Variants in TRAF1 observed in about 807,000 individuals in gnomAD.
The protein encoded by TRAF1 is TNF receptor associated factor 1.
A neutral mutation model predicts 40.9 loss-of-function variants in TRAF1; 23 were observed. The ratio of observed to expected loss-of-function variants is 0.56; its 90% CI spans 0.40 to 0.80. TRAF1 has a LOEUF of 0.80. Among genes scored for constraint, TRAF1 ranks in the 30% least tolerant of loss-of-function variants. TRAF1 has a pLI of 0.00. For missense variants in TRAF1, 477 were observed against 528.7 expected, an observed-to-expected ratio of 0.90 and a Z score of 0.96; for synonymous variants, 206 against 218.8, an observed-to-expected ratio of 0.94 and a Z score of 0.52.
At chr9:120,917,726 C>T (rs1204491661) in intron 3 of TRAF1, among the ~76,000 whole-genome samples, 6 of 152,100 alleles carry the variant, frequency 3.9e-5, no homozygotes, top group Non-Finnish European at 8.8e-5. Flanking sequence ...TCAAAGCCAG[C>T]AGTGGAGCAT....
intron 3 of TRAF1, among the ~76,000 whole-genome samples, chr9:120,922,320 CA>C (rs2046610834): frequency 6.6e-6 from 1 of 152,180 alleles, no homozygotes; most frequent in Non-Finnish European, 1.5e-5. Context: ...AAGGCTTTGC[CA>C]AAAACTATCA....
At chr9:120,925,840 G>T (rs1401395786) in intron 2 of TRAF1, 96 bp downstream of exon 2, 1 of 1,553,710 alleles carries the variant, frequency 6.4e-7, no homozygotes, top group African/African-American at 1.4e-5. Context: ...AAAAGTCACC[G>T]CCTGAAGTCA....
chr9:120,909,469 G>A (rs553024344), intron 6 of TRAF1, 91 bp from the exon 7 acceptor site: 41 of 1,476,204 alleles, frequency 2.8e-5, no homozygotes, highest in South Asian at 7.4e-5. Context: ...CAAGGTCAGC[G>A]GCTCAAAACC....
chr9:120,911,194 C>T (rs2131622493), intron 6 of TRAF1, 142 bp downstream of exon 6: 2 of 953,422 alleles, frequency 2.1e-6, no homozygotes, highest in African/African-American at 1.7e-5. Context: ...GGTTCCTGCC[C>T]ATGGTGAGTG....
chr9:120,913,729 G>C lies in TRAF1; in HGVS notation c.304C>G (p.Gln102Glu). 1 of 1,567,894 alleles carries C rather than the reference G, an allele frequency of 6.4e-7. No homozygotes were observed. The highest frequency in any genetic ancestry group is 8.7e-7 in the Non-Finnish European group (1 of 1,153,938). ...GVGCSFKGSP[Q>E]SVQEHEVTSQ... ...GTGACCTCATGCTCTTGCACAGACTGTGGGCTTCCCTGACAAGAGAGTGGG... is the reference window on the plus strand; with the variant it reads ...GTGACCTCATGCTCTTGCACAGACTCTGGGCTTCCCTGACAAGAGAGTGGG... Residue 102 changes from glutamine (Q) to glutamate (E), a missense_variant, in exon 5 of 8, where the codon CAG (glutamine) becomes GAG (glutamate). By Grantham distance (29) the Gln-to-Glu change is conservative (BLOSUM62 2). Coordinates refer to ENST00000373887, the MANE Select transcript of TRAF1 (RefSeq NM_005658.5).
chr9:120,913,692 G>A lies in TRAF1; in HGVS notation c.341C>T (p.Ser114Phe). The change falls in exon 5 of 8, where the codon TCC becomes TTC. Residue 114 changes from serine to phenylalanine, a missense_variant. Ser to Phe is a radical substitution (Grantham distance 155, BLOSUM62 -2). Coordinates refer to ENST00000373887, the MANE Select transcript of TRAF1 (RefSeq NM_005658.5). ...GAACCCCAACAGCAGGTTTAGGTGG[G>A]AGGTCTGGGAGGTGACCTCATGCTC... The part of the protein sequence containing the change: ...VQEHEVTSQT[S>F]HLNLLLGFMK... 1 of 1,606,212 alleles carries A rather than the reference G, an allele frequency of 6.2e-7. No homozygotes were observed. Among genetic ancestry groups the A allele is most frequent in the Non-Finnish European group, 8.5e-7 (1 of 1,175,110 alleles).
chr9:120,922,075 T>G (rs934303250), intron 3 of TRAF1, among the ~76,000 whole-genome samples: 1 of 152,170 alleles, frequency 6.6e-6, no homozygotes, highest in African/African-American at 2.4e-5. Flanking sequence ...GGGCCACAGT[T>G]TGCTGCAAGA....
Position 120,926,274 on chromosome 9 carries a change from T to C in TRAF1, c.-199A>G, listed in dbSNP as rs536607825. On this transcript the variant is annotated 5_prime_UTR_variant, in exon 2 of 8. Transcript: ENST00000373887. The stretch of plus-strand genomic sequence containing the variant: ...GAGCAGGAATTACCCTTTGTGGCGA[T>C]AAAAATCCCCTGGATGGTGACTGAA... 2.5e-4 allele frequency: 123 copies of C among 497,388 alleles called. No individual in the cohort carries two copies. Among genetic ancestry groups the C allele is most frequent in the African/African-American group, 2.1e-3 (106 of 49,892 alleles). The allele number at this position is 497,388 out of a possible 1,614,324, so 30.8% of individuals were successfully genotyped here.
chr9:120,918,991 G>T (rs2046587175), intron 3 of TRAF1, among the ~76,000 whole-genome samples: 1 of 152,192 alleles, frequency 6.6e-6, no homozygotes, highest in Non-Finnish European at 1.5e-5. Context: ...GAGGCAACGG[G>T]GCAGGCGAGG....
rs141258727 is a variant in TRAF1 at position 120,902,889 on chromosome 9, G to A, written c.*2131C>T. On this transcript the variant is annotated 3_prime_UTR_variant, in exon 8 of 8. Transcript: ENST00000373887. ...TGTCGAACACAGTTAACAGGTGCAGGTGTCAATGAAGCTTTGCTGAAAGAA... is the reference window on the plus strand; with the variant it reads ...TGTCGAACACAGTTAACAGGTGCAGATGTCAATGAAGCTTTGCTGAAAGAA... 1.3e-5 allele frequency: 2 copies of A among 152,338 alleles called. No homozygotes were observed. Among genetic ancestry groups the A allele is most frequent in the Non-Finnish European group, 2.9e-5 (2 of 68,056 alleles). 9.4% of individuals were successfully genotyped at this position (152,338 alleles called of 1,614,324 possible). A position where few individuals can be genotyped will look rare whatever the true frequency, so the allele number is the denominator to read the frequency against.
chr9:120,912,045 C>A (rs1246201726), intron 5 of TRAF1, among the ~76,000 whole-genome samples: 1 of 152,204 alleles, frequency 6.6e-6, no homozygotes, highest in African/African-American at 2.4e-5. Flanking sequence ...CTTCTAATAG[C>A]TTTCCCCAAT....
intron 2 of TRAF1, among the ~76,000 whole-genome samples, chr9:120,925,067 G>A (rs137888526): frequency 1.7e-3 from 260 of 152,310 alleles, no homozygotes; most frequent in Non-Finnish European, 3.1e-3. Context: ...GCCTCTCCTC[G>A]CTATTCTCAC....
intron 3 of TRAF1, among the ~76,000 whole-genome samples, chr9:120,917,149 T>C (rs1169981201): frequency 6.6e-6 from 1 of 152,232 alleles, no homozygotes; most frequent in African/African-American, 2.4e-5. Flanking sequence ...TGAAATGCTA[T>C]TCAGATGTAG....
At chr9:120,914,517 G>C in intron 3 of TRAF1, 1 of 1,188,200 alleles carries the variant, frequency 8.4e-7, no homozygotes, top group Non-Finnish European at 1.0e-6. Context: ...CTGTGATCCT[G>C]GGCAGCACTG....
Position 120,904,917 on chromosome 9 carries a change from A to C in TRAF1, c.*103T>G. On this transcript the variant is annotated 3_prime_UTR_variant, in exon 8 of 8. Coordinates refer to ENST00000373887, the MANE Select transcript of TRAF1 (RefSeq NM_005658.5). ...TCTTGCTTGGATCATGCCAGCCTTCACCCATCTTTGTGCCCTGAGGTCTTG... is the reference window on the plus strand; with the variant it reads ...TCTTGCTTGGATCATGCCAGCCTTCCCCCATCTTTGTGCCCTGAGGTCTTG... The C allele has an allele frequency of 8.4e-7, 1 of 1,189,420 alleles. No individual in the cohort carries two copies. Among genetic ancestry groups the C allele is most frequent in the South Asian group, 1.5e-5 (1 of 68,224 alleles). 73.7% of individuals were successfully genotyped at this position (1,189,420 alleles called of 1,614,324 possible).
intron 3 of TRAF1, among the ~76,000 whole-genome samples, chr9:120,915,662 T>C (rs2046564235): frequency 6.6e-6 from 1 of 151,874 alleles, no homozygotes; most frequent in East Asian, 1.9e-4. Context: ...TGAGACCTCA[T>C]CTCTACTTAA....
rs1337660933 is a variant in TRAF1 at position 120,903,397 on chromosome 9, A to G, written c.*1623T>C. The G allele has an allele frequency of 6.6e-6, 1 of 152,354 alleles. No individual in the cohort carries two copies. Among genetic ancestry groups the G allele is most frequent in the African/African-American group, 2.4e-5 (1 of 41,450 alleles). 9.4% of individuals were successfully genotyped at this position (152,354 alleles called of 1,614,324 possible). ...TGACAGGATGCCAGGCTTAGAGCCC[A>G]GCTGGCCTGGGTTTCTGACCCATTG... On this transcript the variant is annotated 3_prime_UTR_variant, in exon 8 of 8. Transcript: ENST00000373887.
rs755008122 is a variant in TRAF1, at chr9:120,913,370, C to G, written c.663G>C (p.Gln221His). ...SHLALATSIHQSQLDRERILS... is the reference protein window; with the variant it reads ...SHLALATSIHHSQLDRERILS... ...GGATGCGCTCACGGTCCAGCTGGCT[C>G]TGGTGGATAGAGGTGGCCAGGGCCA... is the stretch of plus-strand genomic sequence containing the variant. The change falls in exon 5 of 8, where the codon CAG (glutamine) becomes CAC (histidine). Residue 221 changes from glutamine (Q) to histidine (H), a missense_variant. Gln to His is a conservative substitution (Grantham distance 24). Coordinates refer to ENST00000373887, the MANE Select transcript of TRAF1 (RefSeq NM_005658.5). 7 of 1,613,834 alleles carry G rather than the reference C, an allele frequency of 4.3e-6. No individual in the cohort carries two copies. The Admixed American group carries it at 1.2e-4, about 27-fold the overall frequency.
intron 3 of TRAF1, among the ~76,000 whole-genome samples, chr9:120,919,262 A>G (rs1482326227): frequency 6.6e-6 from 1 of 152,150 alleles, no homozygotes; most frequent in Non-Finnish European, 1.5e-5. Flanking sequence ...CGAGGAGGAG[A>G]CAGAAACAGA....
Sources: allele counts gnomAD v4.1 joint callset (sites outside exome capture counted in the v4.1 genomes callset), GRCh38; gene constraint gnomAD v4.1.1; transcripts MANE v1.5; gene names NCBI Gene and HGNC (gene_info 2026-07-23, HGNC 2026-07-21).